The following GPATCH1 variants were observed in gnomAD, a reference collection of about 807,000 sequenced individuals.
GPATCH1 encodes G-patch domain containing 1.
A neutral mutation model predicts 114.9 loss-of-function variants in GPATCH1; 73 were observed. The ratio of observed to expected loss-of-function variants is 0.64; its 90% CI spans 0.53 to 0.77. GPATCH1 has a LOEUF of 0.77. GPATCH1 is among the 30% of genes least tolerant of loss of function. The pLI is 0.00. For missense variants in GPATCH1, 1,058 were observed against 1,144.3 expected (o/e 0.92, Z 1.09); for synonymous variants, 391 against 428.4 (o/e 0.91, Z 1.08).
At chr19:33,100,847 G>T (rs770058966) in intron 8 of GPATCH1, among the ~76,000 whole-genome samples, 4 of 151,726 alleles carry the variant, frequency 2.6e-5, no homozygotes, top group Non-Finnish European at 5.9e-5. Context: ...GACTTTTGGC[G>T]TAACCAGTAC....
chr19:33,101,921 A>G (rs1447031849), intron 9 of GPATCH1, among the ~76,000 whole-genome samples: 6 of 151,460 alleles, frequency 4.0e-5, no homozygotes, highest in African/African-American at 1.5e-4. Flanking sequence ...CCCAGCTACT[A>G]GGGAGGCTGA....
intron 12 of GPATCH1, 87 bp from the exon 13 acceptor site, chr19:33,112,399 A>G: frequency 1.3e-6 from 2 of 1,487,802 alleles, no homozygotes; most frequent in Non-Finnish European, 9.3e-7. Context: ...TCACAGTTCT[A>G]GAAGATTGCT....
intron 8 of GPATCH1, among the ~76,000 whole-genome samples, chr19:33,098,145 G>GGAAA: frequency 6.6e-6 from 1 of 152,348 alleles, no homozygotes. Context: ...CTGTAATCAG[G>GGAAA]GAAAGAGGAA....
rs1268591863 is a variant in GPATCH1, at chr19:33,088,162, T to G, written c.102T>G (p.Leu34=). The G allele has an allele frequency of 5.7e-6, 9 of 1,571,506 alleles. No homozygotes were observed. Among genetic ancestry groups the G allele is most frequent in the Non-Finnish European group, 5.2e-6 (6 of 1,156,816 alleles). The change falls in exon 2 of 20, where the codon CTT becomes CTG. Residue 34 remains leucine, a synonymous_variant. Coordinates refer to ENST00000170564, the MANE Select transcript of GPATCH1 (RefSeq NM_018025.3). ...EGERPKKPIP[L]QDQTVRDEKG... is the part of the protein sequence containing the mutation. Reference sequence around the variant, plus strand: ...AAAGACCAAAGAAACCAATCCCTCTTCAGGATCAGACTGTCAGAGATGAAA... The same window carrying G: ...AAAGACCAAAGAAACCAATCCCTCTGCAGGATCAGACTGTCAGAGATGAAA...
chr19:33,085,124 C>T (rs1035392231), intron 1 of GPATCH1, among the ~76,000 whole-genome samples: 5 of 152,150 alleles, frequency 3.3e-5, no homozygotes, highest in Non-Finnish European at 5.9e-5. Flanking sequence ...CTGCTGGGCT[C>T]GGAGTGTCCT....
At chr19:33,095,704 G>A in intron 5 of GPATCH1, 58 bp from the exon 6 acceptor site, 2 of 1,217,206 alleles carry the variant, frequency 1.6e-6, no homozygotes, top group Non-Finnish European at 2.4e-6. Context: ...GCCCGGCCTG[G>A]TCGGGGTTTT....
rs1431190605 is a variant in GPATCH1 at position 33,090,811 on chromosome 19, A to G, written c.240A>G (p.Arg80=). 1.2e-5 allele frequency: 20 copies of G among 1,613,342 alleles called. No individual in the cohort carries two copies. The highest frequency in any genetic ancestry group is 1.7e-5 in the Admixed American group (1 of 59,988). ...CACCCTCTACCTTTGTGTCTTCACG[A>G]CAGAACAGAGCAGACAAATCTGTTC... The part of the protein sequence containing the change: ...GWTPSTFVSS[R]QNRADKSVLG... Residue 80 remains arginine (R), a synonymous_variant, in exon 3 of 20, where the codon CGA becomes CGG. Transcript: ENST00000170564.
rs371579135 is a variant in GPATCH1 at position 33,119,049 on chromosome 19, C to T, written c.2453C>T (p.Pro818Leu). Residue 818 changes from proline to leucine, a missense_variant, in exon 17 of 20, where the codon CCG becomes CTG. By Grantham distance (98) the Pro-to-Leu change is moderately conservative. Coordinates refer to ENST00000170564, the MANE Select transcript of GPATCH1 (RefSeq NM_018025.3). Reference protein sequence around the residue: ...PAPQEPPPSFPIQKMQIDERE... With the variant: ...PAPQEPPPSFLIQKMQIDERE... ...CCCCAGGAGCCGCCACCTTCCTTCCCGATACAAAAGATGCAGATAGATGAA... is the reference window on the plus strand; with the variant it reads ...CCCCAGGAGCCGCCACCTTCCTTCCTGATACAAAAGATGCAGATAGATGAA... The T allele has an allele frequency of 6.4e-5, 104 of 1,613,186 alleles. No individual in the cohort carries two copies. Among genetic ancestry groups the T allele is most frequent in the Admixed American group, 2.7e-4 (16 of 59,810 alleles).
chr19:33,095,178 C>T (rs921688176), intron 5 of GPATCH1, among the ~76,000 whole-genome samples: 1 of 151,918 alleles, frequency 6.6e-6, no homozygotes, highest in African/African-American at 2.4e-5. Context: ...AAAACAATTC[C>T]CAGTTATCTT....
At chr19:33,125,395 C>T (rs1338230247) in intron 18 of GPATCH1, among the ~76,000 whole-genome samples, 193 bp downstream of exon 18, 1 of 151,364 alleles carries the variant, frequency 6.6e-6, no homozygotes, top group Non-Finnish European at 1.5e-5. Context: ...CACTTAAACG[C>T]CCCCCCGCTT....
Position 33,119,074 on chromosome 19 carries a change from A to C in GPATCH1, c.2478A>C (p.Glu826Asp). 6.2e-7 allele frequency: 1 copy of C among 1,613,396 alleles called. No individual in the cohort carries two copies. Among genetic ancestry groups the C allele is most frequent in the Non-Finnish European group, 8.5e-7 (1 of 1,179,726 alleles). ...SFPIQKMQID[E>D]REEFGPRLPP... is the part of the protein sequence containing the mutation. ...CGATACAAAAGATGCAGATAGATGA[A>C]AGAGAAGAGTTCGGCCCGCGGCTGC... is the stretch of plus-strand genomic sequence containing the variant. Residue 826 changes from glutamate to aspartate, a missense_variant, in exon 17 of 20, where the codon GAA becomes GAC. Coordinates refer to ENST00000170564, the MANE Select transcript of GPATCH1 (RefSeq NM_018025.3).
chr19:33,104,198 G>C (rs552328058), intron 9 of GPATCH1, among the ~76,000 whole-genome samples: 1 of 151,794 alleles, frequency 6.6e-6, no homozygotes, highest in East Asian at 1.9e-4. Context: ...AAATTAGCTG[G>C]GTGTGGTGGT....
At chr19:33,107,174 C>T (rs1972794458) in intron 10 of GPATCH1, among the ~76,000 whole-genome samples, 1 of 152,112 alleles carries the variant, frequency 6.6e-6, no homozygotes, top group Non-Finnish European at 1.5e-5. Flanking sequence ...CCTGGAACTC[C>T]TGGGTTCAAG....
rs150422573 is a variant in GPATCH1, at chr19:33,100,858, G to A, written c.1001-637G>A. ...TACGGACTTTTGGCGTAACCAGTAC[G>A]TGCAGGAAAACCTTGAGAATCAAAT... is the stretch of plus-strand genomic sequence containing the variant. On this transcript the variant is annotated intron_variant, in intron 8 of 19. Coordinates refer to ENST00000170564, the MANE Select transcript of GPATCH1 (RefSeq NM_018025.3). Among the ~76,000 whole-genome samples the A allele has an allele frequency of 5.9e-5, 9 of 151,866 alleles. No individual in the cohort carries two copies. The East Asian group carries it at 9.7e-4, about 16-fold the overall frequency.
chr19:33,084,083 T>A (rs2145297269), intron 1 of GPATCH1, among the ~76,000 whole-genome samples: 1 of 152,338 alleles, frequency 6.6e-6, no homozygotes, highest in South Asian at 2.1e-4. Context: ...GTGCTGGGAT[T>A]ACAGGCGTGA....
At chr19:33,087,777 G>A (rs902467478) in intron 1 of GPATCH1, among the ~76,000 whole-genome samples, 8 of 150,082 alleles carry the variant, frequency 5.3e-5, no homozygotes, top group African/African-American at 1.5e-4. Flanking sequence ...TCCACCTCTC[G>A]GGTTCAAGCG....
At chr19:33,128,740 T>C (rs1350494850) in intron 19 of GPATCH1, among the ~76,000 whole-genome samples, 1 of 152,206 alleles carries the variant, frequency 6.6e-6, no homozygotes, top group Non-Finnish European at 1.5e-5. Flanking sequence ...GTGTCTGGCT[T>C]CTGAGATTCC....
intron 19 of GPATCH1, among the ~76,000 whole-genome samples, chr19:33,128,118 C>T (rs1315698241): frequency 7.2e-5 from 11 of 151,948 alleles, no homozygotes; most frequent in Non-Finnish European, 1.5e-4. Flanking sequence ...GACAGAGTCT[C>T]GCTCTGTGAC....
At chr19:33,104,499 G>A (rs1972762003) in intron 9 of GPATCH1, among the ~76,000 whole-genome samples, 1 of 152,086 alleles carries the variant, frequency 6.6e-6, no homozygotes, top group South Asian at 2.1e-4. Context: ...ATGAAGCTAA[G>A]ATGATAAAAA....
Sources: allele counts gnomAD v4.1 joint callset (sites outside exome capture counted in the v4.1 genomes callset), GRCh38; gene constraint gnomAD v4.1.1; transcripts MANE v1.5; gene names NCBI Gene and HGNC (gene_info 2026-07-23, HGNC 2026-07-21).